Variants in ASCC1 observed in about 807,000 individuals in gnomAD.
ASCC1 encodes the protein ASC-1 complex subunit P50.
A neutral mutation model predicts 46.6 loss-of-function variants in ASCC1; 35 were observed. That is an observed-to-expected ratio of 0.75 (90% CI 0.57 to 0.99). The LOEUF is 0.99. ASCC1 is among the 50% of genes least tolerant of loss of function. The pLI, the probability that ASCC1 is intolerant of heterozygous loss-of-function variation, is 0.00. For synonymous variants in ASCC1, 143 were observed against 146.6 expected, an observed-to-expected ratio of 0.98 and a Z score of 0.18; for missense variants, 376 against 428.7, an observed-to-expected ratio of 0.88 and a Z score of 1.09.
chr10:72,216,988 G>A (rs1433949511), upstream of ASCC1: 1 of 455,290 alleles, frequency 2.2e-6, no homozygotes, highest in Non-Finnish European at 4.4e-6. Context: ...ATGACACAGC[G>A]CTTCTCTATC....
chr10:72,216,950 G>GA (rs752935810), upstream of ASCC1: 1,059 of 456,110 alleles, frequency 2.3e-3, 2 homozygotes, highest in Non-Finnish European at 3.9e-3. Flanking sequence ...CAATGAGAAA[G>GA]AAAAAAATCC....
Position 72,166,487 on chromosome 10 carries a change from GT to G in ASCC1, c.490-4814del, listed in dbSNP as rs201636655. ...TAGAGAAAAAAACCAACATAATTGAGTTTTTTTTCTCTACAAAAAAAAAACA... is the reference window on the plus strand; with the variant it reads ...TAGAGAAAAAAACCAACATAATTGAGTTTTTTTCTCTACAAAAAAAAAACA... On this transcript the variant is annotated intron_variant, in intron 5 of 9. Coordinates refer to ENST00000672957, the MANE Select transcript of ASCC1 (RefSeq NM_001198800.3). Among the ~76,000 whole-genome samples, 874 of 115,382 alleles carry G rather than the reference GT, an allele frequency of 7.6e-3. 8 individuals are homozygous for G. The highest frequency in any genetic ancestry group is 0.03 in the African/African-American group (826 of 27,592). 75.7% of individuals were successfully genotyped at this position (115,382 alleles called of 152,430 possible). A position where few individuals can be genotyped will look rare whatever the true frequency, so the allele number is the denominator to read the frequency against.
chr10:72,178,869 C>T (rs1333596593), intron 5 of ASCC1, among the ~76,000 whole-genome samples: 1 of 151,868 alleles, frequency 6.6e-6, no homozygotes, highest in African/African-American at 2.4e-5. Context: ...TTGACATAAG[C>T]TATAAAGAAA....
At position 72,096,291 on chromosome 10, in the gene ASCC1, G is replaced by C. The variant is rs1446743956; in HGVS notation, c.*1043C>G. On this transcript the variant is annotated 3_prime_UTR_variant, in exon 10 of 10. Transcript: ENST00000672957. ...CTCCCTCTGCTGGTCCGTGGTGAGG[G>C]AGGAGTGAGGGCCTCCTGTGGCTGA... 4.4e-6 allele frequency: 2 copies of C among 454,078 alleles called. No individual in the cohort carries two copies. The highest frequency in any genetic ancestry group is 3.1e-5 in the South Asian group (2 of 64,478). The allele number at this position is 454,078 out of a possible 1,614,324, so 28.1% of individuals were successfully genotyped here.
At chr10:72,131,742 T>C (rs910692048) in intron 8 of ASCC1, among the ~76,000 whole-genome samples, 3 of 152,168 alleles carry the variant, frequency 2.0e-5, no homozygotes, top group Non-Finnish European at 4.4e-5. Context: ...CCAGTTGGGA[T>C]CTTTGGTACA....
intron 6 of ASCC1, among the ~76,000 whole-genome samples, chr10:72,157,253 T>C (rs563345626): frequency 2.6e-5 from 4 of 152,290 alleles, no homozygotes; most frequent in African/African-American, 9.6e-5. Context: ...CAATACACAA[T>C]GTATCTTCAT....
At chr10:72,149,212 A>G (rs1360589103) in intron 7 of ASCC1, among the ~76,000 whole-genome samples, 2 of 151,798 alleles carry the variant, frequency 1.3e-5, no homozygotes, top group African/African-American at 2.4e-5. Context: ...GCCAAGGTGG[A>G]CAGAGCACAA....
At chr10:72,100,305 C>T (rs1458235764) in intron 9 of ASCC1, among the ~76,000 whole-genome samples, 1 of 151,760 alleles carries the variant, frequency 6.6e-6, no homozygotes, top group African/African-American at 2.4e-5. Flanking sequence ...CTCAGCTCAC[C>T]ACAACCTCTG....
At chr10:72,183,639 A>C (rs1178715230) in intron 5 of ASCC1, among the ~76,000 whole-genome samples, 1 of 152,008 alleles carries the variant, frequency 6.6e-6, no homozygotes, top group Non-Finnish European at 1.5e-5. Flanking sequence ...TCTGAGTGAG[A>C]CCATGTCTCA....
chr10:72,103,764 G>C (rs1047709984), intron 9 of ASCC1, among the ~76,000 whole-genome samples: 2 of 152,112 alleles, frequency 1.3e-5, no homozygotes, highest in African/African-American at 4.8e-5. Context: ...AAGACATAGA[G>C]CATAGAAAAG....
chr10:72,113,168 ATTTAT>A (rs1388040529), intron 9 of ASCC1, among the ~76,000 whole-genome samples: 2 of 152,222 alleles, frequency 1.3e-5, no homozygotes, highest in Non-Finnish European at 2.9e-5. Flanking sequence ...ATTACCAAAT[ATTTAT>A]TTTCATTCTG....
chr10:72,209,926 C>T (rs1346907694), intron 3 of ASCC1, among the ~76,000 whole-genome samples: 1 of 152,042 alleles, frequency 6.6e-6, no homozygotes, highest in African/African-American at 2.4e-5. Context: ...GGGGTGGATC[C>T]CTCATGATGG....
At chr10:72,130,373 T>C (rs891003407) in intron 8 of ASCC1, among the ~76,000 whole-genome samples, 21 of 152,250 alleles carry the variant, frequency 1.4e-4, no homozygotes, top group African/African-American at 4.8e-4. Flanking sequence ...AGAGAGTAAA[T>C]TGTAGAGTAT....
rs555006611 is a variant in ASCC1, at chr10:72,180,114, TA to T, written c.489+16696del. Among the ~76,000 whole-genome samples the T allele has an allele frequency of 6.0e-4, 91 of 151,658 alleles. 1 individual carries two copies. The highest frequency in any genetic ancestry group is 1.1e-3 in the Non-Finnish European group (77 of 67,914). ...CAACATGGTGAAACCCCATCTCTACTAAAAATATACAAAAATTAGCCAGGCA... is the reference window on the plus strand; with the variant it reads ...CAACATGGTGAAACCCCATCTCTACTAAAATATACAAAAATTAGCCAGGCA... On this transcript the variant is annotated intron_variant, in intron 5 of 9. Transcript: ENST00000672957.
chr10:72,141,942 C>T (rs961207873), intron 7 of ASCC1, among the ~76,000 whole-genome samples: 1 of 152,030 alleles, frequency 6.6e-6, no homozygotes, highest in East Asian at 1.9e-4. Flanking sequence ...AAAAAATTTT[C>T]CCACACAACA....
chr10:72,156,640 C>T (rs947591708), intron 6 of ASCC1, among the ~76,000 whole-genome samples: 4 of 151,880 alleles, frequency 2.6e-5, no homozygotes, highest in Admixed American at 2.0e-4. Flanking sequence ...GGCGTGGTGG[C>T]GGGCGCCTGT....
At position 72,097,108 on chromosome 10, in the gene ASCC1, G is replaced by C. The variant is rs772956046; in HGVS notation, c.*226C>G. The C allele has an allele frequency of 1.7e-6, 1 of 592,424 alleles. No homozygotes were observed. The highest frequency in any genetic ancestry group is 1.5e-5 in the South Asian group (1 of 66,790). 36.7% of individuals were successfully genotyped at this position (592,424 alleles called of 1,614,324 possible). A position where few individuals can be genotyped will look rare whatever the true frequency, so the allele number is the denominator to read the frequency against. On this transcript the variant is annotated 3_prime_UTR_variant, in exon 10 of 10. Coordinates refer to ENST00000672957, the MANE Select transcript of ASCC1 (RefSeq NM_001198800.3). ...TTAAAAATTAAAAGAAAAAAAACCA[G>C]AACACACTAAGGGTTATAGGCACAA...
In ASCC1 at chr10:72,096,515, G is replaced by A. The variant is rs893969477; in HGVS notation, c.*819C>T. On this transcript the variant is annotated 3_prime_UTR_variant, in exon 10 of 10. Coordinates refer to ENST00000672957, the MANE Select transcript of ASCC1 (RefSeq NM_001198800.3). ...CTTTGGTAGGAAAATGATAGACCAA[G>A]CAAAGTAAAAGGCAAACAACTTTAA... 3 of 454,012 alleles carry A rather than the reference G, an allele frequency of 6.6e-6. No individual in the cohort carries two copies. The highest frequency in any genetic ancestry group is 6.0e-5 in the African/African-American group (3 of 50,000). The allele number at this position is 454,012 out of a possible 1,614,324, so 28.1% of individuals were successfully genotyped here. A position where few individuals can be genotyped will look rare whatever the true frequency, so the allele number is the denominator to read the frequency against.
chr10:72,171,822 A>G (rs1443128426), intron 5 of ASCC1, among the ~76,000 whole-genome samples: 3 of 152,242 alleles, frequency 2.0e-5, no homozygotes, highest in Non-Finnish European at 1.5e-5. Flanking sequence ...TATGATGTGA[A>G]TATCTTTGGA....
Sources: allele counts gnomAD v4.1 joint callset (sites outside exome capture counted in the v4.1 genomes callset), GRCh38; gene constraint gnomAD v4.1.1; transcripts MANE v1.5; gene names NCBI Gene and HGNC (gene_info 2026-07-23, HGNC 2026-07-21).